PSD3: variants seen among roughly 807,000 people sequenced by gnomAD.
The protein encoded by PSD3 is pleckstrin and Sec7 domain containing 3.
PSD3 carries 49 observed loss-of-function variants against 105.5 expected under a neutral mutation model. The ratio of observed to expected loss-of-function variants is 0.46; its 90% CI spans 0.37 to 0.59. PSD3 has a LOEUF of 0.59. Among genes scored for constraint, PSD3 ranks in the 20% least tolerant of loss-of-function variants. PSD3 has a pLI of 0.00. For synonymous variants in PSD3, 557 were observed against 457.8 expected, an observed-to-expected ratio of 1.22 and a Z score of -2.77; for missense variants, 1,561 against 1,263.8, an observed-to-expected ratio of 1.24 and a Z score of -3.57.
intron 9 of PSD3, among the ~76,000 whole-genome samples, chr8:18,657,350 G>A (rs544216599): frequency 6.6e-6 from 1 of 152,236 alleles, no homozygotes; most frequent in South Asian, 2.1e-4. Context: ...GACTCAATAC[G>A]TGTATTCTTA....
rs542688790 is a variant in PSD3, at chr8:18,624,344, T to C, written c.2410+8269A>G. 1.5e-4 allele frequency among the ~76,000 whole-genome samples: 23 copies of C among 152,124 alleles called. No homozygotes were observed. The South Asian group carries it at 4.6e-3, about 30-fold the overall frequency. On this transcript the variant is annotated intron_variant, in intron 11 of 15. Transcript: ENST00000327040. ...TATGTTTAATGAATATCCTTGAATA[T>C]CAATAAGGTTGAATATGTCTTCATA...
intron 2 of PSD3, among the ~76,000 whole-genome samples, chr8:18,873,696 G>A (rs541489285): frequency 1.3e-5 from 2 of 152,124 alleles, no homozygotes; most frequent in South Asian, 4.2e-4. Flanking sequence ...CTACCTATCT[G>A]CAATTTTGTA....
chr8:18,534,690 G>C lies in PSD3; in HGVS notation c.*1053C>G, dbSNP rs967276958. The C allele has an allele frequency of 6.6e-6, 1 of 152,158 alleles. No homozygotes were observed. The highest frequency in any genetic ancestry group is 2.4e-5 in the African/African-American group (1 of 41,392). 9.4% of individuals were successfully genotyped at this position (152,158 alleles called of 1,614,324 possible). A position where few individuals can be genotyped will look rare whatever the true frequency, so the allele number is the denominator to read the frequency against. Reference sequence around the variant, plus strand: ...ATCCATCGTGGACAACTGCAGCTACGTTTTCCTTCCTTATTTTGTCTTAAG... The same window carrying C: ...ATCCATCGTGGACAACTGCAGCTACCTTTTCCTTCCTTATTTTGTCTTAAG... On this transcript the variant is annotated 3_prime_UTR_variant, in exon 16 of 16. Transcript: ENST00000327040.
intron 8 of PSD3, among the ~76,000 whole-genome samples, chr8:18,797,526 C>T (rs1319342100): frequency 6.6e-6 from 1 of 152,148 alleles, no homozygotes; most frequent in Non-Finnish European, 1.5e-5. Flanking sequence ...AAACCTGTAG[C>T]TACTGAAACC....
At chr8:19,041,778 A>G (rs1828132421) in intron 1 of PSD3, among the ~76,000 whole-genome samples, 1 of 152,214 alleles carries the variant, frequency 6.6e-6, no homozygotes, top group Admixed American at 6.5e-5. Flanking sequence ...ATAATCTGCA[A>G]AAGTTTTCTG....
chr8:18,653,791 A>G (rs1360410495), intron 10 of PSD3, among the ~76,000 whole-genome samples: 5 of 152,232 alleles, frequency 3.3e-5, no homozygotes, highest in Admixed American at 3.3e-4. Context: ...TAGATTTACA[A>G]AACAGGTCCT....
intron 2 of PSD3, among the ~76,000 whole-genome samples, chr8:18,891,348 G>A (rs999411771): frequency 3.3e-5 from 5 of 151,868 alleles, no homozygotes; most frequent in Admixed American, 1.3e-4. Flanking sequence ...AAATAAATGC[G>A]TTTTCGTTCG....
chr8:18,627,231 T>C (rs535658747), intron 11 of PSD3, among the ~76,000 whole-genome samples: 2 of 152,108 alleles, frequency 1.3e-5, no homozygotes, highest in South Asian at 2.1e-4. Context: ...CTGTGAGTCA[T>C]GCTGAGTTGA....
chr8:18,558,121 G>T (rs749602771), intron 14 of PSD3, among the ~76,000 whole-genome samples: 5 of 152,184 alleles, frequency 3.3e-5, no homozygotes, highest in Non-Finnish European at 7.3e-5. Context: ...CCCATCTCCA[G>T]AACTGTGAGA....
At chr8:18,631,090 T>C (rs1806863655) in intron 11 of PSD3, among the ~76,000 whole-genome samples, 2 of 152,000 alleles carry the variant, frequency 1.3e-5, no homozygotes, top group African/African-American at 4.8e-5. Flanking sequence ...CTGAGGGGAA[T>C]GAACACTATC....
chr8:19,066,676 C>T (rs149337581), intron 1 of PSD3, among the ~76,000 whole-genome samples: 8 of 152,324 alleles, frequency 5.3e-5, no homozygotes, highest in Admixed American at 1.3e-4. Context: ...GTTTTTACTT[C>T]GTATGCCTTG....
chr8:18,842,649 C>T (rs1189030537), intron 4 of PSD3, among the ~76,000 whole-genome samples: 5 of 151,934 alleles, frequency 3.3e-5, no homozygotes, highest in African/African-American at 1.2e-4. Flanking sequence ...AGGAGAATGG[C>T]GTGAACCCGG....
At chr8:18,911,503 G>T (rs941253436) in intron 2 of PSD3, among the ~76,000 whole-genome samples, 13 of 152,080 alleles carry the variant, frequency 8.5e-5, no homozygotes, top group Non-Finnish European at 1.5e-4. Flanking sequence ...GGGCCTCAGT[G>T]AGTCTCAGGA....
At chr8:18,562,342 A>G (rs1801445655) in intron 14 of PSD3, among the ~76,000 whole-genome samples, 1 of 152,206 alleles carries the variant, frequency 6.6e-6, no homozygotes, top group African/African-American at 2.4e-5. Context: ...GCTCCAGTTC[A>G]GACAAAAGGA....
intron 14 of PSD3, among the ~76,000 whole-genome samples, chr8:18,568,208 C>T (rs925578481): frequency 2.0e-5 from 3 of 152,110 alleles, no homozygotes; most frequent in Non-Finnish European, 4.4e-5. Context: ...TATAGAAACA[C>T]AAAATGGGCT....
At chr8:19,048,695 C>T (rs1254216902) in intron 1 of PSD3, among the ~76,000 whole-genome samples, 1 of 152,212 alleles carries the variant, frequency 6.6e-6, no homozygotes, top group African/African-American at 2.4e-5. Flanking sequence ...CAAAATAGAA[C>T]TGTCACTGTT....
chr8:18,545,571 T>C (rs376895484), intron 15 of PSD3, among the ~76,000 whole-genome samples: 2 of 152,212 alleles, frequency 1.3e-5, no homozygotes, highest in East Asian at 1.9e-4. Flanking sequence ...TACTGCTATC[T>C]GGGTAAGAGA....
Position 18,824,909 on chromosome 8 carries a change from C to T in PSD3, c.1635-20011G>A, listed in dbSNP as rs147187694. Among the ~76,000 whole-genome samples, 7 of 152,256 alleles carry T rather than the reference C, an allele frequency of 4.6e-5. No individual in the cohort carries two copies. In the East Asian group the frequency reaches 9.7e-4, roughly 21 times the overall value. On this transcript the variant is annotated intron_variant, in intron 4 of 15. Transcript: ENST00000327040. ...TGAACAAACAAGAGGACAAGAATTG[C>T]CCTCTTTCCATAAGTCCCCCCAAAA...
At chr8:18,648,130 T>TA (rs35170574) in intron 10 of PSD3, among the ~76,000 whole-genome samples, 75 of 150,730 alleles carry the variant, frequency 5.0e-4, no homozygotes, top group African/African-American at 1.7e-3. Flanking sequence ...GGAATTGCTA[T>TA]AAAAAATACC....
Sources: gnomAD v4.1 joint callset for allele counts (sites outside exome capture counted in the v4.1 genomes callset) on GRCh38, gnomAD v4.1.1 for gene constraint, MANE v1.5 for transcripts, NCBI Gene and HGNC (gene_info 2026-07-23, HGNC 2026-07-21) for gene names.